MAP4K4: variants seen among roughly 807,000 people sequenced by gnomAD.
The protein encoded by MAP4K4 is mitogen-activated protein kinase kinase kinase kinase 4.
A neutral mutation model predicts 189.6 loss-of-function variants in MAP4K4; 38 were observed. The ratio of observed to expected loss-of-function variants is 0.20; its 90% CI spans 0.15 to 0.26. MAP4K4 has a LOEUF of 0.26. Ranked by LOEUF, MAP4K4 falls within the 10% of genes least tolerant of loss-of-function variation. The probability of loss-of-function intolerance (pLI) is 1.00; values close to 1 mark genes in which losing one functional copy is unlikely to be tolerated. For synonymous variants in MAP4K4, 610 were observed against 624.3 expected (o/e 0.98, Z 0.34); for missense variants, 1,054 against 1,726.9 (o/e 0.61, Z 6.91).
At chr2:101,884,334 G>A (rs1364821226) in intron 28 of MAP4K4, among the ~76,000 whole-genome samples, 2 of 152,152 alleles carry the variant, frequency 1.3e-5, no homozygotes, top group Non-Finnish European at 2.9e-5. Context: ...ATACAGATAC[G>A]GAGAGTTTCT....
intron 2 of MAP4K4, among the ~76,000 whole-genome samples, chr2:101,710,435 A>G (rs78234933): frequency 1.3e-5 from 2 of 152,250 alleles, no homozygotes; most frequent in Non-Finnish European, 2.9e-5. Context: ...TTCACTGTCT[A>G]CAGATATTTT....
At chr2:101,706,611 C>T (rs1041492291) in intron 2 of MAP4K4, among the ~76,000 whole-genome samples, 15 of 152,176 alleles carry the variant, frequency 9.9e-5, no homozygotes, top group East Asian at 1.9e-4. Context: ...TAACACCACA[C>T]GTCAGATAAT....
At chr2:101,858,029 A>G (rs898452331) in intron 13 of MAP4K4, among the ~76,000 whole-genome samples, 1 of 152,130 alleles carries the variant, frequency 6.6e-6, no homozygotes, top group Non-Finnish European at 1.5e-5. Context: ...TGGCTTGTAA[A>G]ATGTTTTATG....
intron 2 of MAP4K4, among the ~76,000 whole-genome samples, chr2:101,705,856 C>T (rs1312352657): frequency 1.3e-5 from 2 of 152,136 alleles, no homozygotes; most frequent in Non-Finnish European, 2.9e-5. Flanking sequence ...TTGGTTCTCC[C>T]ACCCTTTGAA....
chr2:101,863,680 T>G (rs780082048), intron 16 of MAP4K4, 141 bp from the exon 17 acceptor site: 2 of 449,202 alleles, frequency 4.5e-6, no homozygotes, highest in South Asian at 1.7e-5. Context: ...TGTAACTGTT[T>G]CACTGCGTGG....
At chr2:101,723,242 C>T (rs2053270340) in intron 2 of MAP4K4, among the ~76,000 whole-genome samples, 1 of 152,172 alleles carries the variant, frequency 6.6e-6, no homozygotes, top group Non-Finnish European at 1.5e-5. Context: ...TGGATGGGGA[C>T]ACAGCCAAAC....
Position 101,826,289 on chromosome 2 carries a change from A to G in MAP4K4, c.417+860A>G, listed in dbSNP as rs530780337. On this transcript the variant is annotated intron_variant, in intron 5 of 32. Transcript: ENST00000324219. ...TAAGTAAAGTTATCCCACTTTTTAT[A>G]TTTAAGATTCATAGAGGATTGCAGG... is the stretch of plus-strand genomic sequence containing the variant. Among the ~76,000 whole-genome samples the G allele has an allele frequency of 1.3e-3, 201 of 152,260 alleles. 1 individual carries two copies. The highest frequency in any genetic ancestry group is 4.5e-3 in the African/African-American group (188 of 41,562).
chr2:101,845,505 T>G (rs1209514006), intron 12 of MAP4K4, among the ~76,000 whole-genome samples: 1 of 152,208 alleles, frequency 6.6e-6, no homozygotes, highest in African/African-American at 2.4e-5. Flanking sequence ...TACAGCCTAC[T>G]GCGCACCTAG....
At chr2:101,892,875 A>T (rs1013693367) in exon 33 of MAP4K4, 1 of 456,154 alleles carries the variant, frequency 2.2e-6, no homozygotes, top group Non-Finnish European at 4.4e-6. Flanking sequence ...AAGGATCAGG[A>T]CTCCATGTCA....
chr2:101,870,382 C>A, exon 23 of MAP4K4: 1 of 1,613,658 alleles, frequency 6.2e-7, no homozygotes, highest in Non-Finnish European at 8.5e-7. Flanking sequence ...CGGCCATGAC[C>A]CCATCCAAGG....
At chr2:101,868,423 A>T (rs996240306) in intron 21 of MAP4K4, among the ~76,000 whole-genome samples, 1 of 152,206 alleles carries the variant, frequency 6.6e-6, no homozygotes. Context: ...CTGCGTTTTT[A>T]AAAAGTGATT....
intron 2 of MAP4K4, among the ~76,000 whole-genome samples, chr2:101,751,161 TA>T (rs1265240304): frequency 6.6e-6 from 1 of 152,196 alleles, no homozygotes; most frequent in Non-Finnish European, 1.5e-5. Flanking sequence ...GGCATTTTTG[TA>T]AAGAATTCAG....
chr2:101,848,716 TAC>T (rs2097186953), intron 12 of MAP4K4, among the ~76,000 whole-genome samples: 1 of 152,106 alleles, frequency 6.6e-6, no homozygotes, highest in African/African-American at 2.4e-5. Flanking sequence ...AAGAAATATG[TAC>T]ACTCCCACCC....
At chr2:101,831,590 G>C in intron 6 of MAP4K4, 131 bp from the exon 7 acceptor site, 2 of 972,546 alleles carry the variant, frequency 2.1e-6, no homozygotes, top group Admixed American at 4.1e-5. Context: ...CCTTGAGCAG[G>C]ATCGCATATT....
At chr2:101,777,883 A>G (rs1055866068) in intron 2 of MAP4K4, among the ~76,000 whole-genome samples, 5 of 152,208 alleles carry the variant, frequency 3.3e-5, no homozygotes, top group Non-Finnish European at 7.3e-5. Flanking sequence ...AGAAGTGAAG[A>G]GACTTGTTCA....
chr2:101,698,098 T>A, exon 1 of MAP4K4: 1 of 1,320,384 alleles, frequency 7.6e-7, no homozygotes, highest in Non-Finnish European at 1.0e-6. Flanking sequence ...ACGACTCCCC[T>A]GCAAAAAGTC....
exon 6 of MAP4K4, chr2:101,829,512 A>G (rs1473276456): frequency 6.2e-7 from 1 of 1,608,570 alleles, no homozygotes; most frequent in Non-Finnish European, 8.5e-7. Context: ...AGGGACTGGC[A>G]CATCTTCACA....
At chr2:101,742,003 G>A (rs1236766839) in intron 2 of MAP4K4, among the ~76,000 whole-genome samples, 1 of 152,124 alleles carries the variant, frequency 6.6e-6, no homozygotes, top group South Asian at 2.1e-4. Context: ...TTTAGTGAGG[G>A]GTCTAAGTGA....
intron 16 of MAP4K4, among the ~76,000 whole-genome samples, chr2:101,862,666 C>T (rs1160482595): frequency 5.9e-5 from 9 of 152,140 alleles, no homozygotes; most frequent in Non-Finnish European, 1.2e-4. Flanking sequence ...CCTGTTCATT[C>T]TTTGGGGGAG....
Sources: allele counts gnomAD v4.1 joint callset (sites outside exome capture counted in the v4.1 genomes callset), GRCh38; gene constraint gnomAD v4.1.1; transcripts MANE v1.5; gene names NCBI Gene and HGNC (gene_info 2026-07-23, HGNC 2026-07-21).